The following PARD3 variants were observed in gnomAD, a reference collection of about 807,000 sequenced individuals.
PARD3 encodes the protein partitioning defective 3 homolog.
In PARD3, 75 loss-of-function variants were observed where a neutral mutation model predicts 155.4. The ratio of observed to expected loss-of-function variants is 0.48; its 90% CI spans 0.40 to 0.58. PARD3 has a LOEUF of 0.58. Ranked by LOEUF, PARD3 falls within the 20% of genes least tolerant of loss-of-function variation. PARD3 has a pLI of 0.00. For missense variants in PARD3, 1,642 were observed against 1,721.7 expected (o/e 0.95, Z 0.82); for synonymous variants, 576 against 610.5 (o/e 0.94, Z 0.83).
rs79183359 is a variant in PARD3 at position 34,403,789 on chromosome 10, C to G, written c.715-1872G>C. On this transcript the variant is annotated intron_variant, in intron 5 of 24. Transcript: ENST00000374788. Reference sequence around the variant, plus strand: ...GAGAACTGCACTTGGAATGTAAACACGAACTCCCAAAATCATGCTTTTCCA... The same window carrying G: ...GAGAACTGCACTTGGAATGTAAACAGGAACTCCCAAAATCATGCTTTTCCA... Among the ~76,000 whole-genome samples the G allele has an allele frequency of 9.2e-3, 1,400 of 152,264 alleles. 22 individuals are homozygous for G. The highest frequency in any genetic ancestry group is 0.033 in the African/African-American group (1,358 of 41,558).
chr10:34,524,978 T>A (rs1160843921), intron 2 of PARD3, among the ~76,000 whole-genome samples: 1 of 152,356 alleles, frequency 6.6e-6, no homozygotes, highest in East Asian at 1.9e-4. Context: ...AATCAATTTG[T>A]AAGCTTTCTG....
intron 2 of PARD3, among the ~76,000 whole-genome samples, chr10:34,614,900 C>G (rs1355695787): frequency 6.6e-6 from 1 of 152,094 alleles, no homozygotes; most frequent in Non-Finnish European, 1.5e-5. Context: ...CAAAGCAGGC[C>G]GGGCACGGTG....
intron 2 of PARD3, among the ~76,000 whole-genome samples, chr10:34,616,977 C>T (rs577267253): frequency 3.0e-4 from 45 of 150,852 alleles, no homozygotes; most frequent in Non-Finnish European, 4.9e-4. Context: ...TGATCTTGGC[C>T]GGGGGCGGTG....
Position 34,143,710 on chromosome 10 carries a change from A to G in PARD3, c.3420-12127T>C, listed in dbSNP as rs911380755. On this transcript the variant is annotated intron_variant, in intron 22 of 24. Transcript: ENST00000374788. ...AATGACTCAGAATATTAAATAATGT[A>G]ACAAGAGATATATCACCTGTAAGTT... Among the ~76,000 whole-genome samples the G allele has an allele frequency of 3.6e-4, 55 of 152,222 alleles. 1 individual carries two copies. The highest frequency in any genetic ancestry group is 5.9e-5 in the Non-Finnish European group (4 of 68,030).
chr10:34,721,151 TAC>T (rs1156890687), intron 1 of PARD3, among the ~76,000 whole-genome samples: 6 of 152,200 alleles, frequency 3.9e-5, no homozygotes, highest in African/African-American at 1.4e-4. Context: ...AGGAATATGA[TAC>T]AGAGACAGAA....
chr10:34,344,691 T>C, intron 15 of PARD3: 1 of 985,408 alleles, frequency 1.0e-6, no homozygotes, highest in Non-Finnish European at 1.2e-6. Context: ...CAGGTTACTT[T>C]CTGATGAATG....
chr10:34,168,298 C>T (rs1949631613), intron 22 of PARD3, among the ~76,000 whole-genome samples: 1 of 152,174 alleles, frequency 6.6e-6, no homozygotes, highest in Non-Finnish European at 1.5e-5. Context: ...CCTAGTAGAT[C>T]ACTCCCTTGC....
chr10:34,629,079 C>T (rs1429291775), intron 2 of PARD3, among the ~76,000 whole-genome samples: 1 of 152,160 alleles, frequency 6.6e-6, no homozygotes, highest in Admixed American at 6.5e-5. Flanking sequence ...TCTAATATTG[C>T]AGAGTTATGA....
chr10:34,183,861 C>T lies in PARD3; in HGVS notation c.3420-52278G>A, dbSNP rs150451721. The stretch of plus-strand genomic sequence containing the variant: ...AAAACCACTCCACGTATGTACGTGT[C>T]GTTAATCCTATCGGCATGAAACCAA... On this transcript the variant is annotated intron_variant, in intron 22 of 24. Coordinates refer to ENST00000374788, the MANE Select transcript of PARD3 (RefSeq NM_001184785.2). Among the ~76,000 whole-genome samples, 14 of 152,340 alleles carry T rather than the reference C, an allele frequency of 9.2e-5. No homozygotes were observed. In the East Asian group the frequency reaches 2.1e-3, roughly 23 times the overall value.
chr10:34,161,650 T>C (rs990656490), intron 22 of PARD3, among the ~76,000 whole-genome samples: 2 of 152,086 alleles, frequency 1.3e-5, no homozygotes, highest in African/African-American at 4.8e-5. Context: ...ACTATGACAA[T>C]AGCTGGAAAA....
intron 22 of PARD3, among the ~76,000 whole-genome samples, chr10:34,134,403 G>A (rs1947780505): frequency 6.6e-6 from 1 of 152,160 alleles, no homozygotes; most frequent in African/African-American, 2.4e-5. Context: ...GCAGCACAGA[G>A]AGTTTTAAGC....
At chr10:34,312,124 C>A in intron 20 of PARD3, 1 of 676,592 alleles carries the variant, frequency 1.5e-6, no homozygotes, top group Non-Finnish European at 2.4e-6. Flanking sequence ...GAAAAAAACA[C>A]GTCTCTGCCT....
intron 3 of PARD3, among the ~76,000 whole-genome samples, chr10:34,496,610 T>C (rs1253768708): frequency 6.6e-6 from 1 of 152,208 alleles, no homozygotes; most frequent in African/African-American, 2.4e-5. Context: ...ACCACAGGGA[T>C]GGATTCAGCG....
chr10:34,415,888 A>G (rs1030238848), intron 5 of PARD3, among the ~76,000 whole-genome samples: 2 of 152,216 alleles, frequency 1.3e-5, no homozygotes, highest in Non-Finnish European at 2.9e-5. Flanking sequence ...CTTAAATACT[A>G]AAAACAACTT....
chr10:34,251,652 CCT>C (rs574084664), intron 22 of PARD3, among the ~76,000 whole-genome samples: 10 of 151,320 alleles, frequency 6.6e-5, no homozygotes, highest in South Asian at 2.1e-4. Flanking sequence ...TGCTCTTCCC[CCT>C]CTCTCTCTCT....
At chr10:34,695,570 C>T (rs72781626) in intron 2 of PARD3, among the ~76,000 whole-genome samples, 1,579 of 152,240 alleles carry the variant, frequency 0.01, 12 homozygotes, top group Non-Finnish European at 0.015. Context: ...TCCTCCTCCC[C>T]CTCCTCTTCC....
rs1458258017 is a variant in PARD3 at position 34,359,256 on chromosome 10, T to C, written c.1958A>G (p.Lys653Arg). Residue 653 changes from lysine (K) to arginine (R), a missense_variant, in exon 14 of 25, where the codon AAG becomes AGG. Lys to Arg is a conservative substitution (Grantham distance 26). This residue lies in a region of PARD3 where 1,529 missense variants were observed against 1,587.3 expected (regional missense o/e 0.96). Coordinates refer to ENST00000374788, the MANE Select transcript of PARD3 (RefSeq NM_001184785.2). Reference sequence around the variant, plus strand: ...GGTTTCCATGGCATCTTGGTTTGTCTTGCCCAACAGGGATTCTCCATTTAC... The same window carrying C: ...GGTTTCCATGGCATCTTGGTTTGTCCTGCCCAACAGGGATTCTCCATTTAC... ...IAVNGESLLGKTNQDAMETLR... is the reference protein window; with the variant it reads ...IAVNGESLLGRTNQDAMETLR... The C allele has an allele frequency of 2.5e-6, 4 of 1,613,870 alleles. No homozygotes were observed. Among genetic ancestry groups the C allele is most frequent in the Non-Finnish European group, 3.4e-6 (4 of 1,179,876 alleles).
At chr10:34,414,564 C>T (rs1845463690) in intron 5 of PARD3, among the ~76,000 whole-genome samples, 1 of 151,750 alleles carries the variant, frequency 6.6e-6, no homozygotes, top group African/African-American at 2.4e-5. Flanking sequence ...ACCTGTAATC[C>T]CAGCATTTTG....
intron 2 of PARD3, among the ~76,000 whole-genome samples, chr10:34,663,317 A>G (rs2093372006): frequency 6.6e-6 from 1 of 151,994 alleles, no homozygotes; most frequent in Non-Finnish European, 1.5e-5. Flanking sequence ...TACAAAAAAA[A>G]TAGCCAGGCG....
Sources: gnomAD v4.1 joint callset for allele counts (sites outside exome capture counted in the v4.1 genomes callset) on GRCh38, gnomAD v4.1.1 for gene constraint, gnomAD v4.1.1 regional missense constraint, MANE v1.5 for transcripts, NCBI Gene and HGNC (gene_info 2026-07-23, HGNC 2026-07-21) for gene names.